Variants in STOX2 observed in about 807,000 individuals in gnomAD.
STOX2 encodes the protein storkhead box 2.
Under a neutral mutation model 60.9 loss-of-function variants are expected in STOX2, and 28 were observed. The observed-to-expected ratio is 0.46, with a 90% CI of 0.34 to 0.63. STOX2 has a LOEUF of 0.63. Among genes scored for constraint, STOX2 ranks in the 30% least tolerant of loss-of-function variants. The probability of loss-of-function intolerance (pLI) is 0.01; values close to 1 mark genes in which losing one functional copy is unlikely to be tolerated. For missense variants in STOX2, 1,024 were observed against 1,187.7 expected, an observed-to-expected ratio of 0.86 and a Z score of 2.03; for synonymous variants, 472 against 463.9, an observed-to-expected ratio of 1.02 and a Z score of -0.22.
rs1008251429 is a variant in STOX2 at position 183,821,808 on chromosome 4, C to T, written c.364+23753C>T. Among the ~76,000 whole-genome samples, 1 of 152,340 alleles carries T rather than the reference C, an allele frequency of 6.6e-6. No individual in the cohort carries two copies. Among genetic ancestry groups the T allele is most frequent in the Non-Finnish European group, 1.5e-5 (1 of 68,044 alleles). ...CACCCATCCCTGTCCCTGTTCCTGC[C>T]GGGCTGCATTCTGACCCCTGCCCCA... is the stretch of plus-strand genomic sequence containing the variant. On this transcript the variant is annotated intron_variant, in intron 1 of 2. Coordinates refer to the STOX2 transcript ENST00000513034. This position sits in a 1 kb window ranked among gnomAD's most constrained non-coding sequence, Gnocchi z 4.2.
intron 1 of STOX2, among the ~76,000 whole-genome samples, chr4:183,831,903 T>G (rs567157810): frequency 2.6e-5 from 4 of 152,254 alleles, no homozygotes; most frequent in Admixed American, 6.5e-5. Context: ...CAATTTTTCC[T>G]GTTTCCAGGC....
At chr4:183,839,664 C>T (rs564120084) in intron 1 of STOX2, among the ~76,000 whole-genome samples, 2 of 152,286 alleles carry the variant, frequency 1.3e-5, no homozygotes, top group South Asian at 2.1e-4. Context: ...GGCCAGAACG[C>T]GAACTGTGTC....
chr4:183,936,834 T>G (rs1185422517), intron 1 of STOX2, among the ~76,000 whole-genome samples: 2 of 152,234 alleles, frequency 1.3e-5, no homozygotes, highest in Non-Finnish European at 2.9e-5. Flanking sequence ...TTCTGTGTCT[T>G]GCAAATGATA....
At position 183,906,009 on chromosome 4, in the gene STOX2, G is replaced by C. The variant is rs1409961846; in HGVS notation, c.-782G>C. ...GAGCCTCGGCAAGGGGAAGATTGAC[G>C]AGGCGCTGCAGTCGCGGGGACGACG... On this transcript the variant is annotated 5_prime_UTR_variant, in exon 1 of 4. Transcript: ENST00000308497. The C allele has an allele frequency of 1.3e-5, 2 of 152,214 alleles. No individual in the cohort carries two copies. Among genetic ancestry groups the C allele is most frequent in the Non-Finnish European group, 2.9e-5 (2 of 68,062 alleles). The allele number at this position is 152,214 out of a possible 1,614,324, so 9.4% of individuals were successfully genotyped here.
At chr4:183,898,026 A>G (rs533834831) in intron 1 of STOX2, among the ~76,000 whole-genome samples, 51 of 152,336 alleles carry the variant, frequency 3.3e-4, no homozygotes, top group Middle Eastern at 6.8e-3. Context: ...TATATTAGGC[A>G]TAGGATTACA....
In STOX2 at chr4:183,806,347, G is replaced by T. The variant is rs147868869; in HGVS notation, c.364+8292G>T. Among the ~76,000 whole-genome samples, 754 of 152,274 alleles carry T rather than the reference G, an allele frequency of 5.0e-3. 7 individuals are homozygous for T. The highest frequency in any genetic ancestry group is 0.017 in the African/African-American group (712 of 41,556). On this transcript the variant is annotated intron_variant, in intron 1 of 2. Coordinates refer to the STOX2 transcript ENST00000513034. This position sits in a 1 kb window ranked among gnomAD's most constrained non-coding sequence, Gnocchi z 4.1. Reference sequence around the variant, plus strand: ...ATGATGTCCCTTAGTCTAGCTCTCTGGCATGGAAGCTGGGGATGCATAGTG... The same window carrying T: ...ATGATGTCCCTTAGTCTAGCTCTCTTGCATGGAAGCTGGGGATGCATAGTG...
rs979916935 is a variant in STOX2, at chr4:184,018,337, G to A, written c.*1053G>A. 1 of 152,180 alleles carries A rather than the reference G, an allele frequency of 6.6e-6. No individual in the cohort carries two copies. Among genetic ancestry groups the A allele is most frequent in the Non-Finnish European group, 1.5e-5 (1 of 68,032 alleles). The allele number at this position is 152,180 out of a possible 1,614,324, so 9.4% of individuals were successfully genotyped here. A position where few individuals can be genotyped will look rare whatever the true frequency, so the allele number is the denominator to read the frequency against. On this transcript the variant is annotated 3_prime_UTR_variant, in exon 4 of 4. Transcript: ENST00000308497. ...AATAGAATGCCTAAATTAGGCTGTG[G>A]GAGATAATTTTTAGTGGTTGTAGGA...
intron 1 of STOX2, among the ~76,000 whole-genome samples, chr4:183,999,816 G>A (rs1733507640): frequency 6.6e-6 from 1 of 152,194 alleles, no homozygotes; most frequent in South Asian, 2.1e-4. Flanking sequence ...CTGTGGCTGG[G>A]CATGGCTTTA....
At chr4:183,878,494 C>A (rs1042547199) in intron 1 of STOX2, among the ~76,000 whole-genome samples, 2 of 152,124 alleles carry the variant, frequency 1.3e-5, no homozygotes, top group Non-Finnish European at 1.5e-5. Context: ...TTTAATCCAG[C>A]AAGTTGGGTC....
At chr4:183,846,319 A>T (rs1459151673) in intron 1 of STOX2, among the ~76,000 whole-genome samples, 1 of 152,156 alleles carries the variant, frequency 6.6e-6, no homozygotes, top group Non-Finnish European at 1.5e-5. Context: ...AGTTTGTTGA[A>T]TGTGTAGATT....
At chr4:183,919,284 G>T (rs978749299) in intron 1 of STOX2, among the ~76,000 whole-genome samples, 1 of 152,224 alleles carries the variant, frequency 6.6e-6, no homozygotes, top group Non-Finnish European at 1.5e-5. Context: ...TGGCCTAAGG[G>T]CCAGAAGTGG....
At chr4:184,007,005 G>A (rs1367875682) in intron 2 of STOX2, among the ~76,000 whole-genome samples, 264 of 97,924 alleles carry the variant, frequency 2.7e-3, no homozygotes, top group Admixed American at 3.9e-3. Context: ...GACAGAGCGA[G>A]ACTCTGTCTC....
chr4:183,867,652 A>G (rs1194265166), intron 1 of STOX2, among the ~76,000 whole-genome samples: 1 of 152,252 alleles, frequency 6.6e-6, no homozygotes, highest in Non-Finnish European at 1.5e-5. Flanking sequence ...GTTTCCTTTA[A>G]TAAGTCGGGG....
intron 1 of STOX2, among the ~76,000 whole-genome samples, chr4:183,974,236 T>C (rs1732360867): frequency 6.6e-6 from 1 of 151,992 alleles, no homozygotes; most frequent in Admixed American, 6.5e-5. Flanking sequence ...AGGAATACAG[T>C]AAAAACTCAA....
rs113266650 is a variant in STOX2 at position 184,002,206 on chromosome 4, A to G, written c.319+729A>G. 4.0e-3 allele frequency among the ~76,000 whole-genome samples: 615 copies of G among 152,138 alleles called. 4 individuals are homozygous for G. The highest frequency in any genetic ancestry group is 0.014 in the African/African-American group (586 of 41,546). Reference sequence around the variant, plus strand: ...CTCTGCATTTCCTTAAATATTGACAATTGTGTGTGTGTATATGTTTTAATG... The same window carrying G: ...CTCTGCATTTCCTTAAATATTGACAGTTGTGTGTGTGTATATGTTTTAATG... On this transcript the variant is annotated intron_variant, in intron 2 of 3. Coordinates refer to ENST00000308497, the MANE Select transcript of STOX2 (RefSeq NM_020225.3).
rs1458584439 is a variant in STOX2 at position 183,856,123 on chromosome 4, C to T, written c.364+58068C>T. 6.6e-6 allele frequency among the ~76,000 whole-genome samples: 1 copy of T among 152,096 alleles called. No individual in the cohort carries two copies. Among genetic ancestry groups the T allele is most frequent in the Non-Finnish European group, 1.5e-5 (1 of 68,030 alleles). On this transcript the variant is annotated intron_variant, in intron 1 of 2. Transcript: ENST00000513034. The surrounding 1 kb of genome is among the most constrained non-coding windows in gnomAD (Gnocchi z 4.0). Reference sequence around the variant, plus strand: ...CTCTCAGAAACATCCTAAGTGCGCACCCTGGGGTCTCGAATAGGCTGGTCA... The same window carrying T: ...CTCTCAGAAACATCCTAAGTGCGCATCCTGGGGTCTCGAATAGGCTGGTCA...
At chr4:183,970,181 T>TGTGTGTGGGG (rs779582388) in intron 1 of STOX2, among the ~76,000 whole-genome samples, 14 of 136,404 alleles carry the variant, frequency 1.0e-4, no homozygotes, top group African/African-American at 3.7e-4. Flanking sequence ...TGTGTGTGTG[T>TGTGTGTGGGG]GGGGTTCCAG....
intron 1 of STOX2, among the ~76,000 whole-genome samples, chr4:183,822,886 G>A (rs1419172367): frequency 2.0e-5 from 3 of 152,178 alleles, no homozygotes; most frequent in African/African-American, 7.2e-5. Flanking sequence ...TAAGTATCTT[G>A]CTGGAGGTCC....
intron 1 of STOX2, among the ~76,000 whole-genome samples, chr4:183,879,311 G>T (rs1215942015): frequency 6.6e-6 from 1 of 152,040 alleles, no homozygotes; most frequent in African/African-American, 2.4e-5. Context: ...TTCTGCTCTC[G>T]GCCCATACAT....
Sources: gnomAD v4.1 joint callset for allele counts (sites outside exome capture counted in the v4.1 genomes callset) on GRCh38, gnomAD v4.1.1 for gene constraint, Gnocchi (gnomAD v3.1) non-coding constraint, MANE v1.5 for transcripts, NCBI Gene and HGNC (gene_info 2026-07-23, HGNC 2026-07-21) for gene names.